Variants in CC2D2B observed in about 807,000 individuals in gnomAD.
CC2D2B encodes coiled-coil and C2 domain containing 2B.
CC2D2B carries 128 observed loss-of-function variants against 161.2 expected under a neutral mutation model. The ratio of observed to expected loss-of-function variants is 0.79; its 90% CI spans 0.69 to 0.92. CC2D2B has a LOEUF of 0.92. Ranked by LOEUF, CC2D2B falls within the 40% of genes least tolerant of loss-of-function variation. CC2D2B has a pLI of 0.00. For missense variants in CC2D2B, 1,173 were observed against 1,375.1 expected (o/e 0.85, Z 2.32); for synonymous variants, 391 against 449.8 (o/e 0.87, Z 1.65).
intron 6 of CC2D2B, among the ~76,000 whole-genome samples, chr10:95,937,656 G>T (rs1234922511): frequency 1.3e-5 from 2 of 151,936 alleles, no homozygotes; most frequent in African/African-American, 4.8e-5. Flanking sequence ...GGTATCTTTG[G>T]ACCCTGCCCT....
rs1255232589 is a variant in CC2D2B, at chr10:95,910,545, G to C, written c.-23-756G>C. 4.6e-5 allele frequency among the ~76,000 whole-genome samples: 7 copies of C among 152,228 alleles called. No individual in the cohort carries two copies. The East Asian group carries it at 1.4e-3, about 29-fold the overall frequency. ...AGCAAGAACTCATCATGAAGGGGATGGTGCTAAGCCAACCATGAGGTATCC... is the reference window on the plus strand; with the variant it reads ...AGCAAGAACTCATCATGAAGGGGATCGTGCTAAGCCAACCATGAGGTATCC... On this transcript the variant is annotated intron_variant, in intron 1 of 34. Coordinates refer to ENST00000646931, the MANE Select transcript of CC2D2B (RefSeq NM_001349008.3).
At chr10:96,025,184 T>TATA (rs2079683102) in intron 33 of CC2D2B, among the ~76,000 whole-genome samples, 1 of 20,650 alleles carries the variant, frequency 4.8e-5, no homozygotes, top group African/African-American at 2.2e-4. Context: ...TATATATATA[T>TATA]AAAAAAAAAT....
intron 33 of CC2D2B, among the ~76,000 whole-genome samples, chr10:96,025,232 A>G: frequency 8.0e-6 from 1 of 125,060 alleles, no homozygotes; most frequent in African/African-American, 3.1e-5. Flanking sequence ...GCTGGGCATG[A>G]TGGCATATAC....
Position 96,004,168 on chromosome 10 carries a change from T to G in CC2D2B, c.2866T>G (p.Tyr956Asp). Residue 956 changes from tyrosine (Y) to aspartate (D), a missense_variant, in exon 25 of 35, where the codon TAT becomes GAT. Physicochemically the swap from Tyr to Asp is radical, Grantham distance 160. This residue lies in a region of CC2D2B where 598 missense variants were observed against 693.2 expected (regional missense o/e 0.86). Coordinates refer to ENST00000646931, the MANE Select transcript of CC2D2B (RefSeq NM_001349008.3). Reference protein sequence around the residue: ...KVDFVSPGHDYSFSSLSKIKD... With the variant: ...KVDFVSPGHDDSFSSLSKIKD... ...TATTTGCAGCTCACCAGGACATGAT[T>G]ATAGCTTCTCAAGCTTATCTAAAAT... The G allele has an allele frequency of 6.5e-7, 1 of 1,544,240 alleles. No homozygotes were observed. Among genetic ancestry groups the G allele is most frequent in the East Asian group, 2.4e-5 (1 of 41,548 alleles).
chr10:95,919,765 C>T (rs554210738), intron 2 of CC2D2B: 4 of 152,032 alleles, frequency 2.6e-5, no homozygotes, highest in South Asian at 4.2e-4. Flanking sequence ...CCCTTCTGGC[C>T]CAGGGTGGGT....
Position 96,032,617 on chromosome 10 carries a change from C to T in CC2D2B, c.*609C>T. 3.0e-6 allele frequency: 1 copy of T among 337,374 alleles called. No homozygotes were observed. The allele number at this position is 337,374 out of a possible 1,614,324, so 20.9% of individuals were successfully genotyped here. On this transcript the variant is annotated 3_prime_UTR_variant, in exon 35 of 35. Coordinates refer to ENST00000646931, the MANE Select transcript of CC2D2B (RefSeq NM_001349008.3). ...CTCGAGTGGAAAACTAAGGTCATTG[C>T]CTCTCATGGATAAAATGTTATTTCA...
At chr10:95,969,288 C>G (rs2077042680) in intron 15 of CC2D2B, among the ~76,000 whole-genome samples, 1 of 152,126 alleles carries the variant, frequency 6.6e-6, no homozygotes, top group Non-Finnish European at 1.5e-5. Flanking sequence ...CAGTCTCTTG[C>G]TGTATTTGTT....
chr10:95,971,560 C>T (rs1449454746), intron 15 of CC2D2B, among the ~76,000 whole-genome samples: 1 of 152,084 alleles, frequency 6.6e-6, no homozygotes, highest in African/African-American at 2.4e-5. Flanking sequence ...AGCTTTTCCT[C>T]CCTCACCACT....
chr10:95,938,220 T>A (rs1251681709), intron 7 of CC2D2B, 31 bp downstream of exon 7: 2 of 1,389,744 alleles, frequency 1.4e-6, no homozygotes, highest in African/African-American at 2.9e-5. Context: ...AATATTCAAG[T>A]CATTAACGAA....
intron 2 of CC2D2B, chr10:95,919,489 A>G (rs115815655): frequency 6.6e-6 from 1 of 152,208 alleles, no homozygotes; most frequent in African/African-American, 2.4e-5. Context: ...TTCTCCAAAC[A>G]AAGTGTCTTT....
intron 32 of CC2D2B, among the ~76,000 whole-genome samples, chr10:96,021,952 C>T (rs2079481017): frequency 6.6e-6 from 1 of 152,152 alleles, no homozygotes; most frequent in South Asian, 2.1e-4. Context: ...AGATTCAAGG[C>T]AATTCACACT....
At chr10:95,999,676 ATATT>A (rs1345148047) in intron 24 of CC2D2B, 2 of 177,340 alleles carry the variant, frequency 1.1e-5, no homozygotes, top group Non-Finnish European at 2.4e-5. Flanking sequence ...TTTGCTTTAA[ATATT>A]TATTTGAGAG....
chr10:95,923,116 T>A (rs573873467), intron 3 of CC2D2B, among the ~76,000 whole-genome samples: 2 of 151,980 alleles, frequency 1.3e-5, no homozygotes, highest in East Asian at 3.9e-4. Flanking sequence ...CCACGCCCAG[T>A]TAATTTTGTA....
At chr10:95,953,289 A>G (rs1249980745) in intron 10 of CC2D2B, among the ~76,000 whole-genome samples, 1 of 152,082 alleles carries the variant, frequency 6.6e-6, no homozygotes, top group African/African-American at 2.4e-5. Context: ...TGCAGCCTCT[A>G]ACTCCTGGGC....
intron 20 of CC2D2B, among the ~76,000 whole-genome samples, 164 bp downstream of exon 20, chr10:95,988,506 TTGAGA>T: frequency 6.6e-6 from 1 of 152,336 alleles, no homozygotes; most frequent in Middle Eastern, 3.4e-3. Context: ...AGACCTCTTT[TTGAGA>T]GTTAGGTTAC....
intron 19 of CC2D2B, among the ~76,000 whole-genome samples, chr10:95,986,122 C>T (rs150754826): frequency 0.039 from 5,966 of 151,556 alleles, 216 homozygotes; most frequent in African/African-American, 0.091. Flanking sequence ...AAGCATGTGA[C>T]CTCTGTGACC....
intron 17 of CC2D2B, among the ~76,000 whole-genome samples, chr10:95,976,958 C>T (rs1026504591): frequency 6.6e-6 from 1 of 152,322 alleles, no homozygotes; most frequent in Middle Eastern, 3.4e-3. Context: ...CCATGTTGGT[C>T]AGGCTAGTGT....
In CC2D2B at chr10:95,983,661, A is replaced by G. The variant is rs2077614588; in HGVS notation, c.2138A>G (p.Gln713Arg). ...AAGTATTTTCGTCTTGAACAGTTGC[A>G]AGATGAATTTAACTTCGTTTCTGAA... ...IPKYFRLEQL[Q>R]DEFNFVSEEE... The change falls in exon 19 of 35, where the codon CAA becomes CGA. Residue 713 changes from glutamine (Q) to arginine (R), a missense_variant. Physicochemically the swap from Gln to Arg is conservative, Grantham distance 43. Around this residue, in one of 3 missense-constraint regions of CC2D2B, gnomAD observed 277 missense variants for 420.6 expected, o/e 0.66. Coordinates refer to ENST00000646931, the MANE Select transcript of CC2D2B (RefSeq NM_001349008.3). The G allele has an allele frequency of 2.4e-6, 3 of 1,231,722 alleles. No individual in the cohort carries two copies. The highest frequency in any genetic ancestry group is 1.6e-5 in the African/African-American group (1 of 64,418). 76.3% of individuals were successfully genotyped at this position (1,231,722 alleles called of 1,614,324 possible).
intron 12 of CC2D2B, among the ~76,000 whole-genome samples, chr10:95,963,251 G>A (rs1429712973): frequency 1.3e-5 from 2 of 152,154 alleles, no homozygotes; most frequent in African/African-American, 2.4e-5. Flanking sequence ...GTTTGAAGAT[G>A]TTCCTCGGAA....
Sources: allele counts gnomAD v4.1 joint callset (sites outside exome capture counted in the v4.1 genomes callset), GRCh38; gene constraint gnomAD v4.1.1; regional missense constraint gnomAD v4.1.1; transcripts MANE v1.5; gene names NCBI Gene and HGNC (gene_info 2026-07-23, HGNC 2026-07-21).